The following SMYD3 variants were observed in gnomAD, a reference collection of about 807,000 sequenced individuals.
SMYD3 encodes SET and MYND domain containing 3.
In SMYD3, 36 loss-of-function variants were observed where a neutral mutation model predicts 57.7. The observed-to-expected ratio is 0.62, with a 90% CI of 0.48 to 0.82. SMYD3 has a LOEUF of 0.82. Among genes scored for constraint, SMYD3 ranks in the 40% least tolerant of loss-of-function variants. SMYD3 has a pLI of 0.00. For synonymous variants in SMYD3, 211 were observed against 195.0 expected (o/e 1.08, Z -0.68); for missense variants, 515 against 538.8 (o/e 0.96, Z 0.44).
intron 5 of SMYD3, among the ~76,000 whole-genome samples, chr1:246,284,583 A>G (rs7549637): frequency 0.024 from 3,610 of 151,570 alleles, 154 homozygotes; most frequent in African/African-American, 0.082. Flanking sequence ...CACCCGGCTA[A>G]TTTTTTGTAT....
At position 246,055,185 on chromosome 1, in the gene SMYD3, C is replaced by CA. The variant is rs58242739; in HGVS notation, c.532-125249dup. On this transcript the variant is annotated intron_variant, in intron 5 of 11. Transcript: ENST00000490107. Reference sequence around the variant, plus strand: ...AGCAAGACTCTGTCTCAGAAAAAAACAAAAAAAAAAACAAATGTTGGCAAG... The same window carrying CA: ...AGCAAGACTCTGTCTCAGAAAAAAACAAAAAAAAAAAACAAATGTTGGCAAG... Among the ~76,000 whole-genome samples, 300 of 142,358 alleles carry CA rather than the reference C, an allele frequency of 2.1e-3. 1 individual carries two copies. The highest frequency in any genetic ancestry group is 0.011 in the Middle Eastern group (3 of 266). 93.4% of individuals were successfully genotyped at this position (142,358 alleles called of 152,430 possible). A position where few individuals can be genotyped will look rare whatever the true frequency, so the allele number is the denominator to read the frequency against.
chr1:246,120,126 C>T (rs918433131), intron 5 of SMYD3, among the ~76,000 whole-genome samples: 2 of 152,130 alleles, frequency 1.3e-5, no homozygotes, highest in African/African-American at 4.8e-5. Context: ...CCTGTTTGTT[C>T]ACATTCTTCT....
chr1:246,503,001 G>A (rs915472057), intron 1 of SMYD3, among the ~76,000 whole-genome samples: 8 of 152,046 alleles, frequency 5.3e-5, no homozygotes, highest in African/African-American at 1.7e-4. Flanking sequence ...GGCCCGTGTT[G>A]GCCTATCACT....
intron 5 of SMYD3, among the ~76,000 whole-genome samples, chr1:246,099,020 A>G (rs970005326): frequency 1.3e-5 from 2 of 152,054 alleles, no homozygotes; most frequent in Non-Finnish European, 2.9e-5. Flanking sequence ...TTTCCAGCCA[A>G]CCTCTTCTAA....
intron 5 of SMYD3, chr1:246,188,951 C>A (rs1166605278): frequency 6.7e-6 from 1 of 150,096 alleles, no homozygotes; most frequent in Admixed American, 6.6e-5. Flanking sequence ...CAGAGCAAGA[C>A]CCTGTCTCAA....
At chr1:246,240,433 C>G (rs2063588743) in intron 5 of SMYD3, among the ~76,000 whole-genome samples, 2 of 152,146 alleles carry the variant, frequency 1.3e-5, no homozygotes, top group South Asian at 4.1e-4. Context: ...GGGCTCTGTT[C>G]TGTTCCATTG....
At chr1:245,909,861 T>G (rs1403398280) in intron 8 of SMYD3, among the ~76,000 whole-genome samples, 2 of 152,012 alleles carry the variant, frequency 1.3e-5, no homozygotes, top group Non-Finnish European at 2.9e-5. Context: ...AGCATCACAC[T>G]TAATTGGGAA....
intron 5 of SMYD3, among the ~76,000 whole-genome samples, chr1:245,956,596 ACT>A (rs1412222648): frequency 2.0e-5 from 3 of 150,898 alleles, no homozygotes; most frequent in South Asian, 2.1e-4. Context: ...TTCTCTTGTG[ACT>A]CTCTGTCTCC....
intron 1 of SMYD3, among the ~76,000 whole-genome samples, chr1:246,456,751 A>G (rs951785283): frequency 6.6e-6 from 1 of 152,244 alleles, no homozygotes; most frequent in Non-Finnish European, 1.5e-5. Flanking sequence ...CCAAAGAGAA[A>G]TCAAATATCT....
intron 5 of SMYD3, among the ~76,000 whole-genome samples, chr1:246,090,550 C>T (rs926371583): frequency 2.8e-5 from 4 of 143,838 alleles, no homozygotes; most frequent in Admixed American, 1.5e-4. Flanking sequence ...TGGAGTCTAG[C>T]TCTATCACCC....
intron 1 of SMYD3, among the ~76,000 whole-genome samples, chr1:246,476,125 T>A (rs1403764454): frequency 6.6e-6 from 1 of 152,262 alleles, no homozygotes. Context: ...TTTTATTCTA[T>A]AATTACACAT....
At chr1:245,807,371 GGAA>G (rs571917297) in intron 10 of SMYD3, among the ~76,000 whole-genome samples, 30 of 152,308 alleles carry the variant, frequency 2.0e-4, no homozygotes, top group Admixed American at 9.2e-4. Context: ...AGGTTGGAGA[GGAA>G]GAAGAAGAGA....
At chr1:246,232,249 C>T (rs955791502) in intron 5 of SMYD3, among the ~76,000 whole-genome samples, 2 of 152,032 alleles carry the variant, frequency 1.3e-5, no homozygotes, top group African/African-American at 2.4e-5. Context: ...AAAACGAAGG[C>T]GACACCAGGA....
At chr1:246,442,248 G>A (rs2067481278) in intron 1 of SMYD3, among the ~76,000 whole-genome samples, 1 of 152,132 alleles carries the variant, frequency 6.6e-6, no homozygotes, top group Non-Finnish European at 1.5e-5. Flanking sequence ...AACCCTTATG[G>A]AAAAGTCTTC....
intron 5 of SMYD3, among the ~76,000 whole-genome samples, chr1:246,228,023 TGCAGTG>T (rs1171141695): frequency 1.4e-5 from 2 of 140,442 alleles, no homozygotes; most frequent in African/African-American, 5.4e-5. Context: ...AACTACAGAG[TGCAGTG>T]GCAGATCTCC....
chr1:246,223,745 C>A (rs6657205), intron 5 of SMYD3, among the ~76,000 whole-genome samples: 27,000 of 151,976 alleles, frequency 0.18, 2,779 homozygotes, highest in East Asian at 0.34. Context: ...CTCTGTTTTC[C>A]TCCTTCTTCA....
chr1:245,979,364 A>G (rs1307248563), intron 5 of SMYD3, among the ~76,000 whole-genome samples: 1 of 152,218 alleles, frequency 6.6e-6, no homozygotes, highest in Non-Finnish European at 1.5e-5. Context: ...GTACCCTAAA[A>G]TGTGACCTTA....
At chr1:246,121,506 C>A (rs1056219253) in intron 5 of SMYD3, among the ~76,000 whole-genome samples, 1 of 147,776 alleles carries the variant, frequency 6.8e-6, no homozygotes, top group Non-Finnish European at 1.5e-5. Context: ...ATGAAAGAGT[C>A]CAAAATTCAT....
At chr1:245,790,217 A>G (rs1023080308) in intron 10 of SMYD3, among the ~76,000 whole-genome samples, 12 of 152,348 alleles carry the variant, frequency 7.9e-5, no homozygotes, top group Non-Finnish European at 1.5e-4. Context: ...GGCTGATGAA[A>G]AAACAGTAGG....
Sources: allele counts gnomAD v4.1 joint callset (sites outside exome capture counted in the v4.1 genomes callset), GRCh38; gene constraint gnomAD v4.1.1; transcripts MANE v1.5; gene names NCBI Gene and HGNC (gene_info 2026-07-23, HGNC 2026-07-21).